The following SNTG1 variants were observed in gnomAD, a reference collection of about 807,000 sequenced individuals.
SNTG1 encodes the protein syntrophin gamma 1.
A neutral mutation model predicts 74.7 loss-of-function variants in SNTG1; 39 were observed. The observed-to-expected ratio is 0.52, with a 90% CI of 0.40 to 0.68. The LOEUF (loss-of-function observed/expected upper bound fraction) is 0.68, where lower values mean the gene tolerates loss of function less well. SNTG1 is among the 30% of genes least tolerant of loss of function. The probability of loss-of-function intolerance (pLI) is 0.00; values close to 1 mark genes in which losing one functional copy is unlikely to be tolerated. For missense variants in SNTG1, 685 were observed against 609.5 expected (o/e 1.12, Z -1.30); for synonymous variants, 254 against 217.1 (o/e 1.17, Z -1.49).
At chr8:50,130,494 G>T (rs554868929) in intron 1 of SNTG1, among the ~76,000 whole-genome samples, 3 of 152,040 alleles carry the variant, frequency 2.0e-5, no homozygotes, top group African/African-American at 7.2e-5. Context: ...AGAGAGAAAA[G>T]GTTATATATT....
At chr8:50,675,652 G>C (rs1171545810) in intron 15 of SNTG1, among the ~76,000 whole-genome samples, 1 of 151,912 alleles carries the variant, frequency 6.6e-6, no homozygotes, top group Non-Finnish European at 1.5e-5. Flanking sequence ...ATTTTGCCCA[G>C]TTACATTTAA....
intron 2 of SNTG1, among the ~76,000 whole-genome samples, chr8:50,349,984 G>T (rs1485115909): frequency 1.3e-5 from 2 of 152,216 alleles, no homozygotes; most frequent in African/African-American, 4.8e-5. Context: ...TTCTGGGTGG[G>T]CGTGGGCTTG....
chr8:50,779,189 C>CT (rs1193274298), intron 18 of SNTG1, among the ~76,000 whole-genome samples: 1 of 152,096 alleles, frequency 6.6e-6, no homozygotes, highest in African/African-American at 2.4e-5. Context: ...AATGCGAGCT[C>CT]TTTTTTGGTT....
At position 50,570,272 on chromosome 8, in the gene SNTG1, T is replaced by TTTTATTTTATTTTATTTTATTTTAC. The variant is rs2094540785; in HGVS notation, c.810+17098_810+17099insTTTATTTTATTTTATTTTACTTTAT. Among the ~76,000 whole-genome samples the TTTTATTTTATTTTATTTTATTTTAC allele has an allele frequency of 3.5e-5, 5 of 144,508 alleles. 1 individual carries two copies. The highest frequency in any genetic ancestry group is 1.0e-4 in the African/African-American group (4 of 39,850). 94.8% of individuals were successfully genotyped at this position (144,508 alleles called of 152,430 possible). ...TTTTATTTTATTTTATTTTATTTTA[T>TTTTATTTTATTTTATTTTATTTTAC]TTTATAGATGGAGTCTCGCTCTGTC... On this transcript the variant is annotated intron_variant, in intron 12 of 18. Coordinates refer to ENST00000642720, the MANE Select transcript of SNTG1 (RefSeq NM_018967.5).
chr8:50,119,113 A>T (rs2080917363), intron 1 of SNTG1, among the ~76,000 whole-genome samples: 1 of 141,606 alleles, frequency 7.1e-6, no homozygotes, highest in Non-Finnish European at 1.6e-5. Context: ...ACACCTCTGG[A>T]AGTAATTTTA....
At chr8:50,759,287 T>C (rs776324121) in intron 18 of SNTG1, among the ~76,000 whole-genome samples, 1 of 152,130 alleles carries the variant, frequency 6.6e-6, no homozygotes, top group Non-Finnish European at 1.5e-5. Context: ...ATAGTCTCTT[T>C]TGCTGTGCAG....
chr8:50,284,093 GTC>G (rs2088627367), intron 2 of SNTG1, among the ~76,000 whole-genome samples: 1 of 151,952 alleles, frequency 6.6e-6, no homozygotes, highest in South Asian at 2.1e-4. Flanking sequence ...CTGTAACGGT[GTC>G]ACAGACATTC....
At chr8:50,301,526 C>A (rs2089646208) in intron 2 of SNTG1, among the ~76,000 whole-genome samples, 1 of 151,956 alleles carries the variant, frequency 6.6e-6, no homozygotes, top group African/African-American at 2.4e-5. Flanking sequence ...AATATACTTA[C>A]AATAATTGAT....
intron 8 of SNTG1, among the ~76,000 whole-genome samples, chr8:50,474,855 A>AAG (rs1488662028): frequency 6.6e-6 from 1 of 152,150 alleles, no homozygotes; most frequent in Admixed American, 6.5e-5. Flanking sequence ...AGACTGGATT[A>AAG]AGAAAATGTG....
At chr8:50,467,636 T>C (rs1459587684) in intron 8 of SNTG1, among the ~76,000 whole-genome samples, 1 of 151,956 alleles carries the variant, frequency 6.6e-6, no homozygotes, top group African/African-American at 2.4e-5. Context: ...TTGCTTTCCA[T>C]TTCATTGATT....
At position 50,272,658 on chromosome 8, in the gene SNTG1, A is replaced by G. The variant is rs59382467; in HGVS notation, c.-28+100023A>G. ...GGACTTTAAGCACTAGTATCAGACT[A>G]GAAGAAAAGAGCCATGAACCTTGAT... On this transcript the variant is annotated intron_variant, in intron 2 of 18. Transcript: ENST00000642720. Among the ~76,000 whole-genome samples, 756 of 152,336 alleles carry G rather than the reference A, an allele frequency of 5.0e-3. 10 individuals carry two copies. The highest frequency in any genetic ancestry group is 0.017 in the African/African-American group (719 of 41,576).
chr8:50,187,132 C>T (rs1447482694), intron 2 of SNTG1, among the ~76,000 whole-genome samples: 1 of 152,016 alleles, frequency 6.6e-6, no homozygotes, highest in African/African-American at 2.4e-5. Context: ...GTCAAACTGC[C>T]ACTGACTTTC....
chr8:49,974,917 C>A (rs1812051186), intron 1 of SNTG1, among the ~76,000 whole-genome samples: 1 of 152,030 alleles, frequency 6.6e-6, no homozygotes, highest in Non-Finnish European at 1.5e-5. Flanking sequence ...CCCTTTATGG[C>A]AGAACTTCTC....
intron 8 of SNTG1, among the ~76,000 whole-genome samples, chr8:50,481,403 A>T (rs1254726640): frequency 1.3e-5 from 2 of 152,108 alleles, no homozygotes; most frequent in East Asian, 3.9e-4. Flanking sequence ...AACAACAACA[A>T]AACATACAGT....
intron 12 of SNTG1, among the ~76,000 whole-genome samples, chr8:50,585,737 T>C (rs1414597339): frequency 1.3e-5 from 2 of 152,142 alleles, no homozygotes; most frequent in Non-Finnish European, 2.9e-5. Flanking sequence ...ATATTAATCA[T>C]ATGAATAATA....
chr8:50,015,214 CA>C (rs1816202057), intron 1 of SNTG1, among the ~76,000 whole-genome samples: 1 of 151,848 alleles, frequency 6.6e-6, no homozygotes, highest in African/African-American at 2.4e-5. Context: ...TTGGAAAGAT[CA>C]CAGAAATTTT....
At chr8:50,678,535 G>T (rs1157670744) in intron 15 of SNTG1, among the ~76,000 whole-genome samples, 1 of 151,996 alleles carries the variant, frequency 6.6e-6, no homozygotes, top group African/African-American at 2.4e-5. Context: ...TCAAGTTTTT[G>T]AATATTTAAG....
At position 50,424,764 on chromosome 8, in the gene SNTG1, G is replaced by T. The variant is rs116619858; in HGVS notation, c.163-13779G>T. Among the ~76,000 whole-genome samples the T allele has an allele frequency of 9.5e-3, 1,447 of 152,152 alleles. 25 individuals carry two copies. Among genetic ancestry groups the T allele is most frequent in the African/African-American group, 0.033 (1,382 of 41,520 alleles). Reference sequence around the variant, plus strand: ...GAGTTTTACTGTTCTTTAAATTTGGGAATCAATTTCATGACAGACAAGTAT... The same window carrying T: ...GAGTTTTACTGTTCTTTAAATTTGGTAATCAATTTCATGACAGACAAGTAT... On this transcript the variant is annotated intron_variant, in intron 4 of 18. Coordinates refer to ENST00000642720, the MANE Select transcript of SNTG1 (RefSeq NM_018967.5).
intron 1 of SNTG1, among the ~76,000 whole-genome samples, chr8:50,004,154 G>A (rs921327136): frequency 6.6e-6 from 1 of 152,094 alleles, no homozygotes; most frequent in Non-Finnish European, 1.5e-5. Context: ...TAAGGAGTCA[G>A]TATGAAAACG....
Sources: allele counts gnomAD v4.1 joint callset (sites outside exome capture counted in the v4.1 genomes callset), GRCh38; gene constraint gnomAD v4.1.1; transcripts MANE v1.5; gene names NCBI Gene and HGNC (gene_info 2026-07-23, HGNC 2026-07-21).